Variants in DRC11 observed in about 807,000 individuals in gnomAD.
DRC11 encodes IQ and AAA domain-containing protein 1.
the DRC11 span, among the ~76,000 whole-genome samples, chr2:236,396,131 C>T: frequency 6.6e-6 from 1 of 152,046 alleles, no homozygotes; most frequent in East Asian, 1.9e-4. Context: ...GGGCACTTTT[C>T]AATCCCTTCA....
chr2:236,341,721 TC>T, the DRC11 span, among the ~76,000 whole-genome samples: 1 of 152,012 alleles, frequency 6.6e-6, no homozygotes. Context: ...GCTGGTGGTT[TC>T]CCCCCCATGT....
At chr2:236,368,999 T>G in the DRC11 span, 9 of 152,196 alleles carry the variant, frequency 5.9e-5, no homozygotes, top group African/African-American at 2.2e-4. Flanking sequence ...CCAAGAAAAT[T>G]AGTTTGGCTG....
the DRC11 span, among the ~76,000 whole-genome samples, chr2:236,355,140 A>G: frequency 2.0e-5 from 3 of 152,198 alleles, no homozygotes; most frequent in Non-Finnish European, 2.9e-5. Context: ...CCGATGTTCC[A>G]GGCAGGGGAA....
the DRC11 span, among the ~76,000 whole-genome samples, chr2:236,334,447 G>T: frequency 6.6e-6 from 1 of 152,298 alleles, no homozygotes; most frequent in Admixed American, 6.5e-5. The surrounding 1 kb of genome is among the most constrained non-coding windows in gnomAD (Gnocchi z 7.8). Flanking sequence ...GGCAATGGCT[G>T]TGTTGGTGAA....
At chr2:236,316,600 T>C in the DRC11 span, among the ~76,000 whole-genome samples, 6 of 152,168 alleles carry the variant, frequency 3.9e-5, no homozygotes, top group South Asian at 6.2e-4. The surrounding 1 kb of genome is among the most constrained non-coding windows in gnomAD (Gnocchi z 6.8). Flanking sequence ...AATGGAAAAA[T>C]AGACAACCAA....
chr2:236,307,441 C>T, the DRC11 span, among the ~76,000 whole-genome samples: 1 of 152,220 alleles, frequency 6.6e-6, no homozygotes, highest in Admixed American at 6.5e-5. This position sits in a 1 kb window ranked among gnomAD's most constrained non-coding sequence, Gnocchi z 7.0. Flanking sequence ...CTGTTTGAGC[C>T]ACTCCCTTTA....
the DRC11 span, among the ~76,000 whole-genome samples, chr2:236,342,033 C>G: frequency 1.3e-5 from 2 of 152,194 alleles, no homozygotes; most frequent in African/African-American, 2.4e-5. This position sits in a 1 kb window ranked among gnomAD's most constrained non-coding sequence, Gnocchi z 5.8. Context: ...GGTGGCGTCA[C>G]TGATCTTCGC....
the DRC11 span, among the ~76,000 whole-genome samples, chr2:236,451,333 C>T: frequency 6.6e-6 from 1 of 151,558 alleles, no homozygotes; most frequent in African/African-American, 2.4e-5. Flanking sequence ...GTATAGCTGT[C>T]TTGTTTAAAA....
chr2:236,339,804 T>C, the DRC11 span, among the ~76,000 whole-genome samples: 1 of 152,228 alleles, frequency 6.6e-6, no homozygotes. Flanking sequence ...TGTTGTAGCT[T>C]TGTGGTAAGT....
chr2:236,344,438 C>G, the DRC11 span: 2 of 668,690 alleles, frequency 3.0e-6, no homozygotes, highest in Non-Finnish European at 5.3e-6. Context: ...ACAGAGAGCC[C>G]CAGTGTTTCC....
At chr2:236,464,033 C>A in the DRC11 span, among the ~76,000 whole-genome samples, 2 of 152,212 alleles carry the variant, frequency 1.3e-5, no homozygotes, top group Non-Finnish European at 1.5e-5. Context: ...GGCCTCTCCA[C>A]TGGGCAGCTG....
the DRC11 span, among the ~76,000 whole-genome samples, chr2:236,377,823 T>G: frequency 6.6e-6 from 1 of 152,158 alleles, no homozygotes; most frequent in South Asian, 2.1e-4. This position sits in a 1 kb window ranked among gnomAD's most constrained non-coding sequence, Gnocchi z 4.9. Context: ...TTTATACTAA[T>G]TGAGAAAAAA....
At chr2:236,450,314 C>CTTTTTTTTTTTTTTTTTTT in the DRC11 span, among the ~76,000 whole-genome samples, 4 of 82,376 alleles carry the variant, frequency 4.9e-5, no homozygotes, top group African/African-American at 4.9e-5. Flanking sequence ...CTTTTCTTTT[C>CTTTTTTTTTTTTTTTTTTT]TTTTTTTTTT....
chr2:236,318,919 G>A, the DRC11 span, among the ~76,000 whole-genome samples: 1 of 152,190 alleles, frequency 6.6e-6, no homozygotes, highest in African/African-American at 2.4e-5. The surrounding 1 kb of genome is among the most constrained non-coding windows in gnomAD (Gnocchi z 7.0). Context: ...GTGGGCACCA[G>A]GCTGGCCAAG....
the DRC11 span, among the ~76,000 whole-genome samples, chr2:236,354,079 G>T: frequency 6.6e-6 from 1 of 152,112 alleles, no homozygotes; most frequent in Admixed American, 6.6e-5. Flanking sequence ...AAGCCTGGCT[G>T]GGCTGGTAAA....
the DRC11 span, among the ~76,000 whole-genome samples, chr2:236,506,975 T>C: frequency 1.1e-4 from 17 of 152,180 alleles, no homozygotes; most frequent in Admixed American, 2.6e-4. The surrounding 1 kb of genome is among the most constrained non-coding windows in gnomAD (Gnocchi z 4.9). Context: ...CCCTAAGGGC[T>C]TGGCAGGTAT....
chr2:236,354,470 C>G, the DRC11 span, among the ~76,000 whole-genome samples: 2 of 152,000 alleles, frequency 1.3e-5, no homozygotes, highest in African/African-American at 4.8e-5. Flanking sequence ...ACCACCTGAA[C>G]TTAACTCTTG....
chr2:236,408,155 C>T, the DRC11 span: 1 of 698,466 alleles, frequency 1.4e-6, no homozygotes. This position sits in a 1 kb window ranked among gnomAD's most constrained non-coding sequence, Gnocchi z 5.5. Flanking sequence ...AGGTCATGGT[C>T]AGTGGAGGCA....
chr2:236,395,966 A>G, the DRC11 span, among the ~76,000 whole-genome samples: 1 of 152,212 alleles, frequency 6.6e-6, no homozygotes, highest in Non-Finnish European at 1.5e-5. Context: ...ACTTATGTAG[A>G]AACAGTTGTA....
Sources: allele counts gnomAD v4.1 joint callset (sites outside exome capture counted in the v4.1 genomes callset), GRCh38; gene constraint gnomAD v4.1.1; non-coding constraint Gnocchi (gnomAD v3.1); transcripts MANE v1.5; gene names NCBI Gene and HGNC (gene_info 2026-07-23, HGNC 2026-07-21).